Variants in LARS2 observed in about 807,000 individuals in gnomAD.
The protein encoded by LARS2 is leucine--tRNA ligase, mitochondrial.
In LARS2, 81 loss-of-function variants were observed where a neutral mutation model predicts 116.6. The observed-to-expected ratio is 0.69, with a 90% CI of 0.58 to 0.84. LARS2 has a LOEUF of 0.84. LARS2 is among the 40% of genes least tolerant of loss of function. The pLI, the probability that LARS2 is intolerant of heterozygous loss-of-function variation, is 0.00. For missense variants in LARS2, 968 were observed against 1,114.5 expected, an observed-to-expected ratio of 0.87 and a Z score of 1.87; for synonymous variants, 396 against 407.2, an observed-to-expected ratio of 0.97 and a Z score of 0.33.
intron 18 of LARS2, among the ~76,000 whole-genome samples, chr3:45,518,844 T>A (rs1308604900): frequency 6.6e-6 from 1 of 152,214 alleles, no homozygotes. Context: ...CTGGTTTGTA[T>A]AACCTGAAGT....
intron 2 of LARS2, among the ~76,000 whole-genome samples, chr3:45,393,783 C>T (rs766938108): frequency 6.6e-6 from 1 of 152,050 alleles, no homozygotes; most frequent in African/African-American, 2.4e-5. Context: ...ATGATTATGC[C>T]ACTGCACTCC....
At chr3:45,541,561 C>T (rs1700796111) in intron 20 of LARS2, 4 of 438,284 alleles carry the variant, frequency 9.1e-6, no homozygotes, top group Non-Finnish European at 1.6e-5. Context: ...AAATCAGCAG[C>T]CTTGTTTTTC....
At chr3:45,502,567 C>T (rs953616101) in intron 15 of LARS2, among the ~76,000 whole-genome samples, 19 of 152,016 alleles carry the variant, frequency 1.2e-4, no homozygotes, top group East Asian at 1.9e-4. Flanking sequence ...CCCACCAGCA[C>T]GCCCAGCTAA....
chr3:45,479,238 C>T (rs765186716), intron 10 of LARS2, among the ~76,000 whole-genome samples: 7 of 152,150 alleles, frequency 4.6e-5, no homozygotes, highest in Non-Finnish European at 7.4e-5. Flanking sequence ...GTAAGTTTAG[C>T]CTTCCTGGCA....
intron 20 of LARS2, among the ~76,000 whole-genome samples, chr3:45,529,418 G>A (rs1176247621): frequency 2.6e-5 from 4 of 151,806 alleles, no homozygotes; most frequent in Non-Finnish European, 5.9e-5. Flanking sequence ...GCGTGGTGGC[G>A]CATGCCTGTA....
chr3:45,432,299 A>T (rs977079227), intron 6 of LARS2, among the ~76,000 whole-genome samples: 2 of 152,148 alleles, frequency 1.3e-5, no homozygotes, highest in African/African-American at 4.8e-5. Flanking sequence ...TGTAATAAAC[A>T]AACTAGGTCT....
chr3:45,523,748 G>T (rs955120837), intron 19 of LARS2, among the ~76,000 whole-genome samples: 8 of 151,586 alleles, frequency 5.3e-5, no homozygotes, highest in African/African-American at 1.7e-4. Flanking sequence ...TAGTGCCCAG[G>T]CTGGTCTCAA....
rs41289598 is a variant in LARS2 at position 45,524,281 on chromosome 3, G to T, written c.2404+173G>T. On this transcript the variant is annotated intron_variant, in intron 20 of 21. Transcript: ENST00000645846. ...TGAATGGTAGTACTTCATCCACATG[G>T]TCACCCCTACCAAAAGGAAAGACAC... Among the ~76,000 whole-genome samples, 2,125 of 152,154 alleles carry T rather than the reference G, an allele frequency of 0.014. 19 individuals carry two copies. The highest frequency in any genetic ancestry group is 0.02 in the Non-Finnish European group (1,363 of 68,006).
chr3:45,518,172 C>T, intron 18 of LARS2, 100 bp downstream of exon 18: 1 of 818,798 alleles, frequency 1.2e-6, no homozygotes, highest in East Asian at 2.6e-5. Context: ...TGGGTTGGGC[C>T]ACTGTGGGTC....
intron 12 of LARS2, among the ~76,000 whole-genome samples, chr3:45,489,646 T>C (rs924753702): frequency 1.3e-5 from 2 of 152,208 alleles, no homozygotes; most frequent in African/African-American, 4.8e-5. Context: ...CCTAGTCTAA[T>C]AAGATCCCTA....
At chr3:45,485,370 T>A (rs1699787213) in intron 10 of LARS2, among the ~76,000 whole-genome samples, 1 of 152,236 alleles carries the variant, frequency 6.6e-6, no homozygotes, top group Non-Finnish European at 1.5e-5. Flanking sequence ...GGACTTTGTG[T>A]TTCTCATCTT....
chr3:45,398,431 T>C (rs1698087060), intron 3 of LARS2, among the ~76,000 whole-genome samples: 1 of 152,240 alleles, frequency 6.6e-6, no homozygotes, highest in Non-Finnish European at 1.5e-5. Flanking sequence ...GAATATTCTG[T>C]TTCGTGTTTG....
Position 45,532,610 on chromosome 3 carries a change from A to G in LARS2, c.2404+8502A>G, listed in dbSNP as rs577380047. Among the ~76,000 whole-genome samples the G allele has an allele frequency of 7.9e-5, 12 of 152,312 alleles. No homozygotes were observed. In the East Asian group the frequency reaches 2.1e-3, roughly 27 times the overall value. On this transcript the variant is annotated intron_variant, in intron 20 of 21. Transcript: ENST00000645846. ...TGTTAGGTTAGTGAAAGAGGGTTTCACTGACTTCACAGAGGGAATGAGTTG... is the reference window on the plus strand; with the variant it reads ...TGTTAGGTTAGTGAAAGAGGGTTTCGCTGACTTCACAGAGGGAATGAGTTG...
At chr3:45,510,537 G>GA (rs1432056071) in intron 15 of LARS2, among the ~76,000 whole-genome samples, 1 of 149,816 alleles carries the variant, frequency 6.7e-6, no homozygotes, top group Admixed American at 6.7e-5. Context: ...CATCAGGAAG[G>GA]AAAAAACAAC....
At chr3:45,540,736 GTATC>G (rs1172607571) in intron 20 of LARS2, among the ~76,000 whole-genome samples, 2 of 141,242 alleles carry the variant, frequency 1.4e-5, no homozygotes, top group South Asian at 2.3e-4. Flanking sequence ...AGGCTTGCAT[GTATC>G]TATCTGTCTA....
chr3:45,491,560 A>T lies in LARS2; in HGVS notation c.1283A>T (p.Gln428Leu). ...CAGGATGCTTTTCTAGCCCTGACTC[A>T]GAAAGCCCGGGGGAAGAGAGTGGGT... is the stretch of plus-strand genomic sequence containing the variant. ...TRQDAFLALT[Q>L]KARGKRVGGD... is the part of the protein sequence containing the mutation. Residue 428 changes from glutamine to leucine, a missense_variant, in exon 13 of 22, where the codon CAG becomes CTG. By Grantham distance (113) the Gln-to-Leu change is moderately radical. Coordinates refer to ENST00000645846, the MANE Select transcript of LARS2 (RefSeq NM_015340.4). 1.2e-6 allele frequency: 2 copies of T among 1,614,200 alleles called. No homozygotes were observed. Among genetic ancestry groups the T allele is most frequent in the Non-Finnish European group, 8.5e-7 (1 of 1,180,032 alleles).
At chr3:45,392,152 A>G (rs937217366) in intron 2 of LARS2, among the ~76,000 whole-genome samples, 7 of 152,212 alleles carry the variant, frequency 4.6e-5, no homozygotes, top group East Asian at 1.9e-4. Flanking sequence ...AATATATGCA[A>G]TTGCCTTAAG....
chr3:45,541,683 G>T, intron 20 of LARS2, 146 bp from the exon 21 acceptor site: 1 of 968,750 alleles, frequency 1.0e-6, no homozygotes, highest in Non-Finnish European at 1.5e-6. Flanking sequence ...CCAAAGTGGT[G>T]AGCACCCAGC....
intron 11 of LARS2, among the ~76,000 whole-genome samples, chr3:45,487,888 A>G (rs1699842846): frequency 2.0e-5 from 3 of 152,188 alleles, no homozygotes; most frequent in Non-Finnish European, 2.9e-5. Flanking sequence ...TATGTGAGTT[A>G]AAGAATAAAT....
Sources: gnomAD v4.1 joint callset for allele counts (sites outside exome capture counted in the v4.1 genomes callset) on GRCh38, gnomAD v4.1.1 for gene constraint, MANE v1.5 for transcripts, NCBI Gene and HGNC (gene_info 2026-07-23, HGNC 2026-07-21) for gene names.